STK10: variants seen among roughly 807,000 people sequenced by gnomAD.
STK10 encodes the protein serine/threonine kinase 10.
In STK10, 78 loss-of-function variants were observed where a neutral mutation model predicts 113.8. The ratio of observed to expected loss-of-function variants is 0.69; its 90% CI spans 0.57 to 0.83. STK10 has a LOEUF of 0.83. STK10 is among the 40% of genes least tolerant of loss of function. The pLI is 0.00. For synonymous variants in STK10, 465 were observed against 494.7 expected (o/e 0.94, Z 0.80); for missense variants, 1,109 against 1,280.1 (o/e 0.87, Z 2.04).
intron 15 of STK10, 166 bp downstream of exon 15, chr5:172,057,183 C>G: frequency 1.1e-6 from 1 of 919,090 alleles, no homozygotes; most frequent in Non-Finnish European, 1.6e-6. Flanking sequence ...AAGCAGGACG[C>G]CCCTGGAGAA....
At chr5:172,182,966 G>A (rs936054760) in intron 1 of STK10, among the ~76,000 whole-genome samples, 1 of 152,152 alleles carries the variant, frequency 6.6e-6, no homozygotes, top group African/African-American at 2.4e-5. Flanking sequence ...CAGCACTTTG[G>A]ATGGCTGAGG....
At chr5:172,079,573 A>G (rs867986500) in intron 12 of STK10, among the ~76,000 whole-genome samples, 1 of 107,730 alleles carries the variant, frequency 9.3e-6, no homozygotes, top group Non-Finnish European at 2.0e-5. Context: ...TTATTTATTT[A>G]TTTTTGAGAT....
At chr5:172,106,860 C>T in intron 5 of STK10, 46 bp from the exon 6 acceptor site, 2 of 1,562,506 alleles carry the variant, frequency 1.3e-6, no homozygotes, top group Non-Finnish European at 1.7e-6. Flanking sequence ...CTGGCCTTTA[C>T]AGGTGCTTCT....
In STK10 at chr5:172,044,835, A is replaced by G; in HGVS notation, c.*47T>C. 6.2e-7 allele frequency: 1 copy of G among 1,613,582 alleles called. No homozygotes were observed. On this transcript the variant is annotated 3_prime_UTR_variant, in exon 19 of 19. Coordinates refer to ENST00000176763, the MANE Select transcript of STK10 (RefSeq NM_005990.4). The surrounding 1 kb of genome is among the most constrained non-coding windows in gnomAD (Gnocchi z 4.5). Reference sequence around the variant, plus strand: ...TACATGTTCACAGAGAATGAAGGAGAAGGCCCTGGGGCCCACCAAGCTGCC... The same window carrying G: ...TACATGTTCACAGAGAATGAAGGAGGAGGCCCTGGGGCCCACCAAGCTGCC...
At chr5:172,157,920 T>C (rs191252957) in intron 1 of STK10, among the ~76,000 whole-genome samples, 1 of 152,304 alleles carries the variant, frequency 6.6e-6, no homozygotes, top group East Asian at 1.9e-4. Flanking sequence ...ATGATAGGAA[T>C]GTTTGATGCG....
At chr5:172,138,963 A>G (rs772559056) in intron 2 of STK10, among the ~76,000 whole-genome samples, 7 of 152,208 alleles carry the variant, frequency 4.6e-5, no homozygotes, top group Non-Finnish European at 8.8e-5. Context: ...GCAGTGAGCC[A>G]AGATCACACC....
intron 2 of STK10, among the ~76,000 whole-genome samples, chr5:172,138,798 G>A (rs1201418493): frequency 6.6e-6 from 1 of 152,096 alleles, no homozygotes. Flanking sequence ...GGATCACGAG[G>A]TCAGGAGATC....
At chr5:172,048,712 C>A (rs1343973376) in intron 18 of STK10, among the ~76,000 whole-genome samples, 1 of 152,188 alleles carries the variant, frequency 6.6e-6, no homozygotes, top group African/African-American at 2.4e-5. Context: ...CCACTCTTGA[C>A]CCCTGAGGGC....
At chr5:172,169,078 C>G (rs958892219) in intron 1 of STK10, among the ~76,000 whole-genome samples, 9 of 152,176 alleles carry the variant, frequency 5.9e-5, no homozygotes, top group Admixed American at 5.2e-4. Flanking sequence ...ACAGAGAACA[C>G]CTCCTCCCTA....
At chr5:172,183,573 T>C (rs1170019801) in intron 1 of STK10, among the ~76,000 whole-genome samples, 16 of 150,172 alleles carry the variant, frequency 1.1e-4, no homozygotes, top group African/African-American at 3.7e-4. Context: ...CTCGGCCTCC[T>C]AGTAGCTGGG....
chr5:172,123,797 T>A (rs899163157), intron 3 of STK10, among the ~76,000 whole-genome samples: 9 of 152,052 alleles, frequency 5.9e-5, no homozygotes, highest in Non-Finnish European at 4.4e-5. Context: ...GGAATTCAGA[T>A]GTGATGGCTG....
intron 2 of STK10, among the ~76,000 whole-genome samples, chr5:172,155,358 C>T (rs903298923): frequency 3.3e-5 from 5 of 152,018 alleles, no homozygotes; most frequent in East Asian, 1.9e-4. Context: ...AGCAGCCAGG[C>T]GTGGTGGCAT....
At chr5:172,049,438 A>G (rs577926072) in intron 18 of STK10, among the ~76,000 whole-genome samples, 2 of 152,270 alleles carry the variant, frequency 1.3e-5, no homozygotes, top group South Asian at 2.1e-4. Flanking sequence ...CAAGGGGAAC[A>G]GGCTGGGCAA....
At chr5:172,074,601 A>T (rs58251624) in intron 12 of STK10, among the ~76,000 whole-genome samples, 3,231 of 152,330 alleles carry the variant, frequency 0.021, 134 homozygotes, top group African/African-American at 0.073. Context: ...TAAAACCTAA[A>T]ATTGTAAAAC....
intron 9 of STK10, among the ~76,000 whole-genome samples, chr5:172,091,999 G>A (rs1768721060): frequency 7.1e-6 from 1 of 141,622 alleles, no homozygotes; most frequent in Non-Finnish European, 1.5e-5. Flanking sequence ...GCTCCCTGAG[G>A]TCTGGGCCCC....
At chr5:172,088,410 G>A (rs1223642334) in intron 10 of STK10, among the ~76,000 whole-genome samples, 1 of 152,102 alleles carries the variant, frequency 6.6e-6, no homozygotes, top group Non-Finnish European at 1.5e-5. Flanking sequence ...TGTAGTCCCA[G>A]CTACTCAGGA....
intron 14 of STK10, among the ~76,000 whole-genome samples, chr5:172,059,187 A>G (rs1004675727): frequency 6.6e-6 from 1 of 152,036 alleles, no homozygotes; most frequent in Non-Finnish European, 1.5e-5. Context: ...TTGGGAGGCC[A>G]AGGCAGGTGG....
chr5:172,168,281 C>T (rs572159751), intron 1 of STK10, among the ~76,000 whole-genome samples: 30 of 152,272 alleles, frequency 2.0e-4, no homozygotes, highest in African/African-American at 6.5e-4. Context: ...GGCGGTCAAT[C>T]GCAGGAAGGG....
chr5:172,186,880 T>C (rs563704567), intron 1 of STK10, among the ~76,000 whole-genome samples: 1 of 152,050 alleles, frequency 6.6e-6, no homozygotes, highest in Non-Finnish European at 1.5e-5. Flanking sequence ...TGGAGAAGCC[T>C]TCTCTGTGGT....
Sources: gnomAD v4.1 joint callset for allele counts (sites outside exome capture counted in the v4.1 genomes callset) on GRCh38, gnomAD v4.1.1 for gene constraint, Gnocchi (gnomAD v3.1) non-coding constraint, MANE v1.5 for transcripts, NCBI Gene and HGNC (gene_info 2026-07-23, HGNC 2026-07-21) for gene names.